The following GABBR2 variants were observed in gnomAD, a reference collection of about 807,000 sequenced individuals.
GABBR2 encodes the protein gamma-aminobutyric acid type B receptor subunit 2, also known as G-protein coupled receptor 51.
GABBR2 carries 23 observed loss-of-function variants against 105.6 expected under a neutral mutation model. That is an observed-to-expected ratio of 0.22 (90% confidence interval 0.16 to 0.31). The LOEUF is 0.31. Ranked by LOEUF, GABBR2 falls within the 10% of genes least tolerant of loss-of-function variation. The probability of loss-of-function intolerance (pLI) is 1.00; values close to 1 mark genes in which losing one functional copy is unlikely to be tolerated. For synonymous variants in GABBR2, 478 were observed against 499.7 expected, an observed-to-expected ratio of 0.96 and a Z score of 0.58; for missense variants, 734 against 1,245.5, an observed-to-expected ratio of 0.59 and a Z score of 6.18.
At chr9:98,355,126 G>A (rs567454046) in intron 13 of GABBR2, among the ~76,000 whole-genome samples, 5 of 152,146 alleles carry the variant, frequency 3.3e-5, no homozygotes, top group Admixed American at 2.0e-4. Context: ...CAGTCAGAAC[G>A]CACAGAACAC....
chr9:98,526,900 C>T (rs1372236242), intron 3 of GABBR2, among the ~76,000 whole-genome samples: 1 of 151,942 alleles, frequency 6.6e-6, no homozygotes, highest in Non-Finnish European at 1.5e-5. Context: ...AATAGAACAT[C>T]CCTTGAGATG....
At chr9:98,430,776 GCT>G (rs1463173977) in intron 7 of GABBR2, among the ~76,000 whole-genome samples, 1 of 151,952 alleles carries the variant, frequency 6.6e-6, no homozygotes, top group Non-Finnish European at 1.5e-5. Flanking sequence ...AGACTGCCAG[GCT>G]CTGTTTGGGT....
intron 13 of GABBR2, among the ~76,000 whole-genome samples, chr9:98,353,820 G>A (rs1393155618): frequency 1.3e-5 from 2 of 151,818 alleles, no homozygotes; most frequent in African/African-American, 4.8e-5. Flanking sequence ...GGGGGGTGGC[G>A]GAATTCCCCC....
intron 1 of GABBR2, among the ~76,000 whole-genome samples, chr9:98,655,945 T>G (rs1227670357): frequency 6.6e-6 from 1 of 152,174 alleles, no homozygotes; most frequent in Non-Finnish European, 1.5e-5. Context: ...GTAACAAACC[T>G]GCATGTTCTG....
At chr9:98,689,947 G>T (rs1830664824) in intron 1 of GABBR2, among the ~76,000 whole-genome samples, 2 of 152,146 alleles carry the variant, frequency 1.3e-5, no homozygotes, top group African/African-American at 4.8e-5. Flanking sequence ...TCCCTGCAAA[G>T]TGACTTAAAA....
chr9:98,333,803 T>C (rs1382144577), intron 13 of GABBR2, among the ~76,000 whole-genome samples: 1 of 152,212 alleles, frequency 6.6e-6, no homozygotes, highest in African/African-American at 2.4e-5. Flanking sequence ...GATTTGGAGT[T>C]AAGCCTAGCT....
intron 11 of GABBR2, among the ~76,000 whole-genome samples, chr9:98,372,481 T>C (rs1831801774): frequency 6.6e-6 from 1 of 152,244 alleles, no homozygotes; most frequent in African/African-American, 2.4e-5. Context: ...CCCTCAGCTC[T>C]GTTGAGCTTA....
intron 3 of GABBR2, among the ~76,000 whole-genome samples, chr9:98,539,559 T>C (rs946853149): frequency 5.3e-5 from 8 of 152,006 alleles, no homozygotes; most frequent in African/African-American, 1.7e-4. Context: ...TTCTACAAAA[T>C]GAGGAGGGTA....
chr9:98,647,710 T>C (rs745450414), intron 1 of GABBR2, among the ~76,000 whole-genome samples: 1 of 152,198 alleles, frequency 6.6e-6, no homozygotes, highest in Non-Finnish European at 1.5e-5. Context: ...TTAGGTTAAT[T>C]ACATTGAGAA....
intron 13 of GABBR2, among the ~76,000 whole-genome samples, chr9:98,352,729 G>A (rs188402170): frequency 6.6e-6 from 1 of 152,230 alleles, no homozygotes; most frequent in East Asian, 1.9e-4. Flanking sequence ...GGGAGAGCAT[G>A]CTTTGGGTCC....
chr9:98,388,706 C>T lies in GABBR2; in HGVS notation c.1529+148G>A, dbSNP rs963630938. 2.0e-5 allele frequency: 10 copies of T among 511,676 alleles called. No homozygotes were observed. The highest frequency in any genetic ancestry group is 1.9e-4 in the African/African-American group (10 of 51,750). 31.7% of individuals were successfully genotyped at this position (511,676 alleles called of 1,614,324 possible). A position where few individuals can be genotyped will look rare whatever the true frequency, so the allele number is the denominator to read the frequency against. On this transcript the variant is annotated intron_variant, in intron 10 of 18. Transcript: ENST00000259455. This position sits in a 1 kb window ranked among gnomAD's most constrained non-coding sequence, Gnocchi z 4.4. ...ACTCACATGCATGTAACACCTACAA[C>T]ATCCTAGCAACGGAGGAACACTTTG... is the stretch of plus-strand genomic sequence containing the variant.
chr9:98,348,850 A>G (rs1831343662), intron 13 of GABBR2, among the ~76,000 whole-genome samples: 1 of 152,162 alleles, frequency 6.6e-6, no homozygotes, highest in African/African-American at 2.4e-5. Context: ...TATAAAATAT[A>G]TAAGATCATA....
chr9:98,319,084 C>T (rs532380405), intron 13 of GABBR2, among the ~76,000 whole-genome samples: 1 of 152,206 alleles, frequency 6.6e-6, no homozygotes, highest in African/African-American at 2.4e-5. Flanking sequence ...GGGAAAGGGC[C>T]CTGGACTCAG....
chr9:98,353,647 T>C (rs562735729), intron 13 of GABBR2, among the ~76,000 whole-genome samples: 1 of 152,354 alleles, frequency 6.6e-6, no homozygotes, highest in African/African-American at 2.4e-5. Context: ...TTAACAGGCA[T>C]GAAAACAACA....
At chr9:98,383,948 C>T (rs1832026154) in intron 11 of GABBR2, among the ~76,000 whole-genome samples, 2 of 152,172 alleles carry the variant, frequency 1.3e-5, no homozygotes, top group African/African-American at 2.4e-5. Context: ...CTTCAGCCCT[C>T]ATCATCCAGC....
At chr9:98,407,041 C>T (rs1832503029) in intron 7 of GABBR2, among the ~76,000 whole-genome samples, 1 of 152,208 alleles carries the variant, frequency 6.6e-6, no homozygotes, top group Admixed American at 6.5e-5. Context: ...GTAAGTGAGG[C>T]TGCTGGGATT....
chr9:98,473,894 C>G (rs1015764048), intron 5 of GABBR2, among the ~76,000 whole-genome samples: 1 of 152,134 alleles, frequency 6.6e-6, no homozygotes, highest in Non-Finnish European at 1.5e-5. Context: ...TTGTATAGAT[C>G]TTTACTAAAA....
At chr9:98,653,738 C>T (rs1378331560) in intron 1 of GABBR2, among the ~76,000 whole-genome samples, 6 of 151,970 alleles carry the variant, frequency 3.9e-5, no homozygotes, top group Non-Finnish European at 8.8e-5. Flanking sequence ...CACACACACA[C>T]ACACATATGC....
intron 3 of GABBR2, among the ~76,000 whole-genome samples, chr9:98,498,477 C>T (rs1392558836): frequency 1.3e-5 from 2 of 152,322 alleles, no homozygotes; most frequent in East Asian, 1.9e-4. Flanking sequence ...TTTGGATAAT[C>T]TGGCCTTAAA....
Sources: gnomAD v4.1 joint callset for allele counts (sites outside exome capture counted in the v4.1 genomes callset) on GRCh38, gnomAD v4.1.1 for gene constraint, Gnocchi (gnomAD v3.1) non-coding constraint, MANE v1.5 for transcripts, NCBI Gene and HGNC (gene_info 2026-07-23, HGNC 2026-07-21) for gene names.